The following PEPD variants were observed in gnomAD, a reference collection of about 807,000 sequenced individuals.
PEPD encodes xaa-Pro dipeptidase.
PEPD carries 53 observed loss-of-function variants against 60.7 expected under a neutral mutation model. The ratio of observed to expected loss-of-function variants is 0.87; its 90% CI spans 0.70 to 1.10. PEPD has a LOEUF of 1.10. PEPD is among the 50% of genes least tolerant of loss of function. PEPD has a pLI of 0.00. For missense variants in PEPD, 711 were observed against 711.9 expected, an observed-to-expected ratio of 1.00 and a Z score of 0.01; for synonymous variants, 267 against 284.1, an observed-to-expected ratio of 0.94 and a Z score of 0.60.
intron 5 of PEPD, 46 bp downstream of exon 5, chr19:33,493,244 T>A: frequency 7.0e-7 from 1 of 1,426,358 alleles, no homozygotes; most frequent in Non-Finnish European, 9.9e-7. Context: ...ATAAAAACCC[T>A]CCCCAGAGCC....
chr19:33,388,328 T>C (rs1172262960), intron 13 of PEPD: 2 of 662,644 alleles, frequency 3.0e-6, no homozygotes, highest in African/African-American at 1.8e-5. Flanking sequence ...TGAGAAGCCC[T>C]GTGGCCACCC....
intron 12 of PEPD, among the ~76,000 whole-genome samples, chr19:33,397,151 G>A (rs558880711): frequency 1.2e-4 from 18 of 152,298 alleles, no homozygotes; most frequent in Admixed American, 3.9e-4. Flanking sequence ...TAGGGTCTCC[G>A]TCTGAGCGAG....
intron 9 of PEPD, among the ~76,000 whole-genome samples, chr19:33,453,982 C>T (rs953357448): frequency 6.6e-6 from 1 of 152,196 alleles, no homozygotes; most frequent in East Asian, 1.9e-4. Context: ...ACTGGCTCTG[C>T]ACCAGGACGT....
chr19:33,393,263 AGG>A (rs1491291121), intron 12 of PEPD, among the ~76,000 whole-genome samples: 1 of 111,696 alleles, frequency 9.0e-6, no homozygotes, highest in Non-Finnish European at 1.9e-5. Context: ...GGCGTGGGGG[AGG>A]GCCCGGGGTC....
At chr19:33,449,032 C>A (rs1049822120) in intron 9 of PEPD, among the ~76,000 whole-genome samples, 9 of 152,214 alleles carry the variant, frequency 5.9e-5, no homozygotes, top group African/African-American at 2.2e-4. Flanking sequence ...CCAACCAAGA[C>A]CCTGACGGGA....
intron 9 of PEPD, among the ~76,000 whole-genome samples, chr19:33,457,179 C>T (rs558875665): frequency 1.3e-5 from 2 of 151,860 alleles, no homozygotes; most frequent in South Asian, 2.1e-4. Context: ...TGCCTAGAAT[C>T]CCAGCACTGT....
intron 6 of PEPD, 80 bp downstream of exon 6, chr19:33,489,914 ATT>A: frequency 1.2e-6 from 1 of 827,646 alleles, no homozygotes; most frequent in Non-Finnish European, 2.1e-6. Context: ...TTCATGTCTT[ATT>A]TGTAGACCGG....
chr19:33,433,982 G>C (rs1257965160), intron 9 of PEPD, among the ~76,000 whole-genome samples: 1 of 34,544 alleles, frequency 2.9e-5, no homozygotes, highest in Non-Finnish European at 5.2e-5. Context: ...TCACAAACGT[G>C]CCCCGTGGGT....
chr19:33,402,672 C>T (rs1968526680), intron 11 of PEPD, among the ~76,000 whole-genome samples: 1 of 152,194 alleles, frequency 6.6e-6, no homozygotes, highest in Non-Finnish European at 1.5e-5. Flanking sequence ...CAGGTGGGCC[C>T]CCTCACCCTG....
intron 9 of PEPD, among the ~76,000 whole-genome samples, chr19:33,458,810 T>TAGTGTGA (rs201520050): frequency 4.4e-5 from 6 of 135,776 alleles, no homozygotes; most frequent in Admixed American, 1.8e-4. Context: ...AGGGCATGTG[T>TAGTGTGA]GTGGTGTATG....
At chr19:33,473,892 C>T (rs759261570) in intron 7 of PEPD, among the ~76,000 whole-genome samples, 6 of 152,144 alleles carry the variant, frequency 3.9e-5, no homozygotes, top group South Asian at 2.1e-4. Flanking sequence ...ATCAAAAAGG[C>T]GCTCCTTGAG....
chr19:33,413,022 C>T (rs1387533299), intron 10 of PEPD, among the ~76,000 whole-genome samples: 1 of 152,246 alleles, frequency 6.6e-6, no homozygotes, highest in Non-Finnish European at 1.5e-5. Context: ...GGCACACACC[C>T]AAGCGCACAC....
intron 3 of PEPD, among the ~76,000 whole-genome samples, chr19:33,507,466 G>A (rs1025897161): frequency 8.5e-5 from 13 of 152,272 alleles, no homozygotes; most frequent in East Asian, 7.7e-4. Context: ...GGCTGCCCAC[G>A]GCCCCTGGCG....
chr19:33,458,564 GTATGTGGAA>G (rs1299417441), intron 9 of PEPD, among the ~76,000 whole-genome samples: 17 of 57,860 alleles, frequency 2.9e-4, no homozygotes, highest in Admixed American at 7.5e-4. Flanking sequence ...TGTGTGTGTG[GTATGTGGAA>G]CGAGTGTGGT....
chr19:33,487,547 C>T (rs566903465), intron 6 of PEPD, among the ~76,000 whole-genome samples: 1 of 152,304 alleles, frequency 6.6e-6, no homozygotes, highest in Non-Finnish European at 1.5e-5. Context: ...AGAGACTCGG[C>T]CAGCAGCCCA....
intron 9 of PEPD, among the ~76,000 whole-genome samples, chr19:33,440,694 TC>T (rs1436785029): frequency 5.9e-5 from 9 of 152,186 alleles, no homozygotes; most frequent in African/African-American, 2.2e-4. Context: ...TCTACTGCCG[TC>T]CCCGCTTTTA....
At chr19:33,477,945 C>T (rs141396398) in intron 7 of PEPD, 101 bp downstream of exon 7, 65 of 814,964 alleles carry the variant, frequency 8.0e-5, no homozygotes, top group South Asian at 1.3e-4. Context: ...AATCTGCTTT[C>T]TGAGGGGCTC....
intron 9 of PEPD, among the ~76,000 whole-genome samples, chr19:33,417,538 C>T (rs746774299): frequency 3.3e-5 from 5 of 152,336 alleles, no homozygotes; most frequent in East Asian, 3.9e-4. Flanking sequence ...ATGGCCTCTC[C>T]GTGCCTCAGT....
chr19:33,489,134 C>T (rs1379635475), intron 6 of PEPD, among the ~76,000 whole-genome samples: 2 of 152,112 alleles, frequency 1.3e-5, no homozygotes, highest in Admixed American at 1.3e-4. Flanking sequence ...AGGGGAGGGG[C>T]GTCTTTCCCT....
Sources: gnomAD v4.1 joint callset for allele counts (sites outside exome capture counted in the v4.1 genomes callset) on GRCh38, gnomAD v4.1.1 for gene constraint, MANE v1.5 for transcripts, NCBI Gene and HGNC (gene_info 2026-07-23, HGNC 2026-07-21) for gene names.